The following PXDNL variants were observed in gnomAD, a reference collection of about 807,000 sequenced individuals.
The protein encoded by PXDNL is probable oxidoreductase PXDNL.
PXDNL carries 145 observed loss-of-function variants against 150.8 expected under a neutral mutation model. The observed-to-expected ratio is 0.96, with a 90% CI of 0.84 to 1.10. The LOEUF is 1.10. Among genes scored for constraint, PXDNL ranks in the 50% least tolerant of loss-of-function variants. The pLI, the probability that PXDNL is intolerant of heterozygous loss-of-function variation, is 0.00. For missense variants in PXDNL, 2,087 were observed against 1,873.9 expected, an observed-to-expected ratio of 1.11 and a Z score of -2.10; for synonymous variants, 757 against 725.7, an observed-to-expected ratio of 1.04 and a Z score of -0.69.
chr8:51,366,992 T>C (rs1806940865), intron 19 of PXDNL, among the ~76,000 whole-genome samples: 1 of 149,584 alleles, frequency 6.7e-6, no homozygotes. Flanking sequence ...TCCCAGCTAC[T>C]TTGGAGGCTG....
intron 21 of PXDNL, among the ~76,000 whole-genome samples, chr8:51,324,730 C>G (rs1007063946): frequency 3.9e-5 from 6 of 152,154 alleles, no homozygotes; most frequent in Non-Finnish European, 7.3e-5. Flanking sequence ...ATCAACTGAT[C>G]TTTTTTATTT....
chr8:51,375,855 C>T (rs539822661), intron 17 of PXDNL, among the ~76,000 whole-genome samples: 2 of 152,308 alleles, frequency 1.3e-5, no homozygotes, highest in African/African-American at 4.8e-5. Flanking sequence ...GTTGCAACTA[C>T]CCAACTCCTG....
intron 3 of PXDNL, among the ~76,000 whole-genome samples, chr8:51,574,102 G>T (rs550891459): frequency 6.6e-6 from 1 of 151,912 alleles, no homozygotes; most frequent in East Asian, 1.9e-4. Flanking sequence ...TGACAGAGAC[G>T]TTAGGATTAT....
intron 14 of PXDNL, among the ~76,000 whole-genome samples, chr8:51,417,171 A>T (rs1808821584): frequency 6.6e-6 from 1 of 152,224 alleles, no homozygotes. Flanking sequence ...ACAATCAGAA[A>T]ATTCTGAGCA....
intron 5 of PXDNL, among the ~76,000 whole-genome samples, chr8:51,490,667 CAT>C (rs1214359775): frequency 1.4e-4 from 21 of 148,378 alleles, no homozygotes; most frequent in South Asian, 1.3e-3. Flanking sequence ...CACATATATA[CAT>C]ATATATACAT....
At chr8:51,536,185 C>T (rs868843694) in intron 4 of PXDNL, among the ~76,000 whole-genome samples, 3 of 152,224 alleles carry the variant, frequency 2.0e-5, no homozygotes, top group Admixed American at 6.5e-5. Context: ...GGGGATAAAA[C>T]GAGGAGGCTA....
intron 12 of PXDNL, among the ~76,000 whole-genome samples, chr8:51,443,909 T>G (rs1283422109): frequency 6.6e-6 from 1 of 152,182 alleles, no homozygotes; most frequent in Non-Finnish European, 1.5e-5. Flanking sequence ...CCTTTAAGTT[T>G]TAGGGTATAT....
intron 8 of PXDNL, among the ~76,000 whole-genome samples, chr8:51,469,739 C>A (rs184925973): frequency 4.6e-5 from 7 of 152,084 alleles, no homozygotes; most frequent in Admixed American, 3.3e-4. Context: ...CTATACCACA[C>A]TTTATGCTCC....
chr8:51,474,825 G>A, intron 7 of PXDNL, 147 bp downstream of exon 7: 2 of 556,840 alleles, frequency 3.6e-6, no homozygotes, highest in Non-Finnish European at 5.7e-6. Context: ...ATGATGGAAA[G>A]GAAATTGGCC....
chr8:51,660,466 C>T (rs1377689763), intron 1 of PXDNL, among the ~76,000 whole-genome samples: 1 of 152,164 alleles, frequency 6.6e-6, no homozygotes, highest in Non-Finnish European at 1.5e-5. Context: ...CTAAGAATCT[C>T]ATGCTCAGAG....
chr8:51,729,253 T>A (rs928811736), intron 1 of PXDNL, among the ~76,000 whole-genome samples: 1 of 152,112 alleles, frequency 6.6e-6, no homozygotes, highest in African/African-American at 2.4e-5. Context: ...AAAGAAAATA[T>A]GTGCAAAATA....
At position 51,555,945 on chromosome 8, in the gene PXDNL, A is replaced by G. The variant is rs1812591145; in HGVS notation, c.380+895T>C. Among the ~76,000 whole-genome samples, 5 of 152,238 alleles carry G rather than the reference A, an allele frequency of 3.3e-5. No homozygotes were observed. The South Asian group carries it at 1.0e-3, about 32-fold the overall frequency. ...CATAAAGTATCAAATGCTAAAAAGT[A>G]CACTAAGATAGCGGTCAGTTTGAGT... On this transcript the variant is annotated intron_variant, in intron 4 of 22. Coordinates refer to ENST00000356297, the MANE Select transcript of PXDNL (RefSeq NM_144651.5).
At chr8:51,563,426 A>G (rs1264964514) in intron 3 of PXDNL, among the ~76,000 whole-genome samples, 1 of 151,860 alleles carries the variant, frequency 6.6e-6, no homozygotes, top group African/African-American at 2.4e-5. Flanking sequence ...TCATGACCTC[A>G]CCTAAACCCA....
intron 1 of PXDNL, among the ~76,000 whole-genome samples, chr8:51,707,884 C>CGT (rs962253653): frequency 6.6e-5 from 10 of 152,022 alleles, no homozygotes; most frequent in African/African-American, 1.9e-4. Context: ...TAATAGTCCA[C>CGT]GTGTGTGTGT....
At chr8:51,641,560 C>T (rs908730790) in intron 2 of PXDNL, among the ~76,000 whole-genome samples, 2 of 152,062 alleles carry the variant, frequency 1.3e-5, no homozygotes, top group Admixed American at 1.3e-4. Context: ...TGAACAGACA[C>T]TTCTCAAAAG....
intron 3 of PXDNL, among the ~76,000 whole-genome samples, chr8:51,563,922 T>C (rs1243634581): frequency 6.6e-6 from 1 of 151,888 alleles, no homozygotes; most frequent in Non-Finnish European, 1.5e-5. Context: ...TATGTGAAAA[T>C]AAAAATGCAA....
intron 1 of PXDNL, among the ~76,000 whole-genome samples, chr8:51,720,057 G>C (rs1816697465): frequency 6.6e-6 from 1 of 152,112 alleles, no homozygotes; most frequent in Non-Finnish European, 1.5e-5. Context: ...GGTGAAGTAA[G>C]TGAGGCATTA....
In PXDNL at chr8:51,447,203, G is replaced by A. The variant is rs1809696699; in HGVS notation, c.1367-41C>T. On this transcript the variant is annotated intron_variant, in intron 11 of 22. Coordinates refer to ENST00000356297, the MANE Select transcript of PXDNL (RefSeq NM_144651.5). ...AAGAAAGTATTCTTCATGGCCCAGA[G>A]CACTGAAAGCCAGAGCTGCTGGCTG... 9 of 1,597,924 alleles carry A rather than the reference G, an allele frequency of 5.6e-6. No individual in the cohort carries two copies. The African/African-American group carries it at 9.4e-5, about 17-fold the overall frequency.
intron 4 of PXDNL, among the ~76,000 whole-genome samples, chr8:51,533,573 C>T (rs371879616): frequency 2.8e-5 from 4 of 143,882 alleles, no homozygotes; most frequent in Admixed American, 6.8e-5. Context: ...GCTGCCATCT[C>T]GGCTCACTGC....
Sources: gnomAD v4.1 joint callset for allele counts (sites outside exome capture counted in the v4.1 genomes callset) on GRCh38, gnomAD v4.1.1 for gene constraint, MANE v1.5 for transcripts, NCBI Gene and HGNC (gene_info 2026-07-23, HGNC 2026-07-21) for gene names.